MSN: variants seen among roughly 807,000 people sequenced by gnomAD.
MSN encodes moesin, also known as epididymis luminal protein 70.
A neutral mutation model predicts 48.0 loss-of-function variants in MSN; 2 were observed. The observed-to-expected ratio is 0.04, with a 90% CI of 0.02 to 0.13. The LOEUF (loss-of-function observed/expected upper bound fraction) is 0.13. Among genes scored for constraint, MSN ranks in the 10% least tolerant of loss-of-function variants. MSN has a pLI of 1.00. For synonymous variants in MSN, 146 were observed against 166.9 expected, an observed-to-expected ratio of 0.87 and a Z score of 0.97; for missense variants, 267 against 470.1, an observed-to-expected ratio of 0.57 and a Z score of 3.99.
chrX:65,721,757 C>T (rs762653175), intron 2 of MSN, among the ~76,000 whole-genome samples: 11 of 111,490 alleles, frequency 9.9e-5, no homozygotes, highest in African/African-American at 3.3e-4. Context: ...TCCTCTGGAA[C>T]CTTCTTCCAC....
chrX:65,668,727 G>A (rs903200891), intron 1 of MSN, among the ~76,000 whole-genome samples: 3 of 111,619 alleles, frequency 2.7e-5, no homozygotes, highest in Non-Finnish European at 5.7e-5. Context: ...GAGGGAGAGG[G>A]GAGGAGGGGT....
chrX:65,652,650 G>A (rs1218545598), intron 1 of MSN, among the ~76,000 whole-genome samples: 1 of 111,360 alleles, frequency 9.0e-6, no homozygotes, highest in Non-Finnish European at 1.9e-5. Flanking sequence ...AAAGCAACAG[G>A]AGCATGGGAT....
chrX:65,644,226 G>A (rs769706487), intron 1 of MSN, among the ~76,000 whole-genome samples: 2 of 111,887 alleles, frequency 1.8e-5, no homozygotes, highest in African/African-American at 3.2e-5. Flanking sequence ...AACATCCTTT[G>A]TGGTGGTAGG....
chrX:65,630,390 G>A (rs1183657474), intron 1 of MSN, among the ~76,000 whole-genome samples: 1 of 110,769 alleles, frequency 9.0e-6, no homozygotes, highest in Non-Finnish European at 1.9e-5. Context: ...AGGCAACATA[G>A]TGAGAGTCCA....
intron 1 of MSN, among the ~76,000 whole-genome samples, chrX:65,595,669 G>T (rs1199956307): frequency 1.8e-5 from 2 of 112,429 alleles, no homozygotes; most frequent in African/African-American, 6.5e-5. Context: ...TCTGGGTGTG[G>T]CCTCTCCCTT....
chrX:65,598,394 AAGAGGAG>A (rs1178912237), intron 1 of MSN, among the ~76,000 whole-genome samples: 1 of 109,763 alleles, frequency 9.1e-6, no homozygotes, highest in Non-Finnish European at 1.9e-5. Flanking sequence ...CAGAGAAGGG[AAGAGGAG>A]AGAGGAGAGA....
intron 1 of MSN, 109 bp downstream of exon 1, chrX:65,667,962 C>A: frequency 1.1e-6 from 1 of 895,977 alleles, no homozygotes; most frequent in Non-Finnish European, 1.6e-6. Flanking sequence ...TGGGACGCCG[C>A]GCCCTCCGCC....
intron 1 of MSN, among the ~76,000 whole-genome samples, chrX:65,681,085 T>C (rs749209770): frequency 9.0e-6 from 1 of 110,958 alleles, no homozygotes; most frequent in Non-Finnish European, 1.9e-5. Context: ...AGCAATGCCA[T>C]ACCTCTTCTT....
rs996093375 is a variant in MSN, at chrX:65,741,029, C to A, written c.*1136C>A. 1 of 166,669 alleles carries A rather than the reference C, an allele frequency of 6.0e-6. No individual in the cohort carries two copies. Among genetic ancestry groups the A allele is most frequent in the African/African-American group, 3.0e-5 (1 of 33,331 alleles). The allele number at this position is 166,669 out of a possible 1,213,427, so 13.7% of individuals were successfully genotyped here. A position where few individuals can be genotyped will look rare whatever the true frequency, so the allele number is the denominator to read the frequency against. ...TGGTGAGAGAAGCCTGTGCCCTGAT[C>A]CAAGTTTACTCAACCCTCTCAGGTG... On this transcript the variant is annotated 3_prime_UTR_variant, in exon 13 of 13. Coordinates refer to ENST00000360270, the MANE Select transcript of MSN (RefSeq NM_002444.3).
intron 1 of MSN, among the ~76,000 whole-genome samples, chrX:65,650,376 C>G (rs746923898): frequency 7.1e-5 from 8 of 112,506 alleles, no homozygotes; most frequent in Non-Finnish European, 1.5e-4. Context: ...GCATGAGCCA[C>G]TGCACCCAGC....
rs781136732 is a variant in MSN at position 65,736,139 on chromosome X, C to A, written c.960-656C>A. 2.0e-4 allele frequency among the ~76,000 whole-genome samples: 22 copies of A among 111,751 alleles called. No individual in the cohort carries two copies. The East Asian group carries it at 6.2e-3, about 32-fold the overall frequency. On this transcript the variant is annotated intron_variant, in intron 8 of 12. Transcript: ENST00000360270. ...GAAGCACTTCATCCCAGCACAGAGC[C>A]AAAACTTGTCTCCCTAACAAGGTGG... is the stretch of plus-strand genomic sequence containing the variant.
intron 1 of MSN, among the ~76,000 whole-genome samples, chrX:65,681,236 G>C (rs979352826): frequency 9.0e-6 from 1 of 111,695 alleles, no homozygotes; most frequent in African/African-American, 3.3e-5. Context: ...TGTGCCCACT[G>C]TACTTTGTAA....
At chrX:65,635,717 C>T (rs1335990606) in intron 1 of MSN, among the ~76,000 whole-genome samples, 1 of 112,080 alleles carries the variant, frequency 8.9e-6, no homozygotes, top group Non-Finnish European at 1.9e-5. Flanking sequence ...TAGCTTCCAC[C>T]AGCCACTGAC....
At chrX:65,680,413 A>G (rs1487010771) in intron 1 of MSN, among the ~76,000 whole-genome samples, 1 of 112,327 alleles carries the variant, frequency 8.9e-6, no homozygotes, top group Non-Finnish European at 1.9e-5. Flanking sequence ...TAAGAAATGA[A>G]CATTCTAATG....
At chrX:65,627,622 G>A (rs928401214) in intron 1 of MSN, among the ~76,000 whole-genome samples, 5 of 110,694 alleles carry the variant, frequency 4.5e-5, no homozygotes, top group African/African-American at 1.3e-4. Context: ...TTGAGATTTG[G>A]GTGGGGACAC....
At chrX:65,676,208 G>A (rs143295684) in intron 1 of MSN, among the ~76,000 whole-genome samples, 1,531 of 111,818 alleles carry the variant, frequency 0.014, 14 homozygotes, top group African/African-American at 0.028. Flanking sequence ...CACAGCTGCA[G>A]CATCTGGGTC....
chrX:65,651,565 TTATTA>T lies in MSN; in HGVS notation c.-22+62955_-22+62959del, dbSNP rs2070742534. Among the ~76,000 whole-genome samples, 61 of 58,762 alleles carry T rather than the reference TTATTA, an allele frequency of 1.0e-3. 1 individual carries two copies. Among genetic ancestry groups the T allele is most frequent in the African/African-American group, 8.1e-3 (59 of 7,297 alleles). The allele number at this position is 58,762 out of a possible 115,157, so 51.0% of individuals were successfully genotyped here. On this transcript the variant is annotated intron_variant, in intron 1 of 3. Transcript: ENST00000609672. ...TGGGCAAGGAAAGAAGTAATATTTA[TTATTA>T]TTATTATTATTATTATTATTATTAT...
At chrX:65,722,114 A>C (rs1454248598) in intron 2 of MSN, among the ~76,000 whole-genome samples, 1 of 111,575 alleles carries the variant, frequency 9.0e-6, no homozygotes. Flanking sequence ...AAAGAAAGAA[A>C]CTTAGAACCT....
At chrX:65,719,414 G>A (rs184220798) in intron 2 of MSN, among the ~76,000 whole-genome samples, 29 of 111,724 alleles carry the variant, frequency 2.6e-4, no homozygotes, top group African/African-American at 9.1e-4. Flanking sequence ...CTAGTATTGG[G>A]ATTTCAGACA....
Sources: gnomAD v4.1 joint callset for allele counts (sites outside exome capture counted in the v4.1 genomes callset) on GRCh38, gnomAD v4.1.1 for gene constraint, MANE v1.5 for transcripts, NCBI Gene and HGNC (gene_info 2026-07-23, HGNC 2026-07-21) for gene names.